Variants in EYS observed in about 807,000 individuals in gnomAD.
EYS encodes the protein EGF-like photoreceptor maintenance factor.
Under a neutral mutation model 282.1 loss-of-function variants are expected in EYS, and 250 were observed. That is an observed-to-expected ratio of 0.89 (90% CI 0.80 to 0.98). The LOEUF (loss-of-function observed/expected upper bound fraction) is 0.98, where lower values mean the gene tolerates loss of function less well. EYS is among the 50% of genes least tolerant of loss of function. The pLI, the probability that EYS is intolerant of heterozygous loss-of-function variation, is 0.00. For synonymous variants in EYS, 1,355 were observed against 1,282.9 expected (o/e 1.06, Z -1.20); for missense variants, 4,016 against 3,709.0 (o/e 1.08, Z -2.15).
chr6:65,107,019 C>T (rs1239537040), intron 12 of EYS, among the ~76,000 whole-genome samples: 1 of 151,932 alleles, frequency 6.6e-6, no homozygotes, highest in East Asian at 1.9e-4. Context: ...TCCCAGCCAG[C>T]ATCAACATAG....
intron 8 of EYS, among the ~76,000 whole-genome samples, chr6:65,377,635 A>G (rs1394641269): frequency 1.3e-5 from 2 of 152,106 alleles, no homozygotes; most frequent in African/African-American, 4.8e-5. Flanking sequence ...TAGCCAGTCT[A>G]AAAAAGGAGA....
intron 29 of EYS, among the ~76,000 whole-genome samples, chr6:64,346,793 G>T (rs531734687): frequency 4.0e-4 from 61 of 151,488 alleles, no homozygotes; most frequent in African/African-American, 1.4e-3. Context: ...GGAGACTTCC[G>T]TTGATTGTAA....
In EYS at chr6:65,370,546, G is replaced by A. The variant is rs1436239574; in HGVS notation, c.1299+13840C>T. Among the ~76,000 whole-genome samples, 148 of 151,604 alleles carry A rather than the reference G, an allele frequency of 9.8e-4. 1 individual carries two copies. Among genetic ancestry groups the A allele is most frequent in the Non-Finnish European group, 4.4e-5 (3 of 67,904 alleles). ...TTTGGATTACAGGCCTGGCTGTAAC[G>A]CTTCTTTCTTTGACCGACTTTTATA... On this transcript the variant is annotated intron_variant, in intron 8 of 42. Coordinates refer to ENST00000503581, the MANE Select transcript of EYS (RefSeq NM_001142800.2).
chr6:65,174,617 G>C (rs945116234), intron 12 of EYS, among the ~76,000 whole-genome samples: 1 of 151,100 alleles, frequency 6.6e-6, no homozygotes. Flanking sequence ...AAGATAATTC[G>C]ATCTTCTAAA....
At chr6:64,212,437 T>G (rs1007610341) in intron 31 of EYS, among the ~76,000 whole-genome samples, 2 of 152,056 alleles carry the variant, frequency 1.3e-5, no homozygotes, top group Non-Finnish European at 2.9e-5. Flanking sequence ...TAAATCTGAT[T>G]ATATATAAAA....
intron 13 of EYS, among the ~76,000 whole-genome samples, chr6:65,013,269 T>C (rs1771936978): frequency 6.6e-6 from 1 of 152,138 alleles, no homozygotes; most frequent in South Asian, 2.1e-4. Context: ...TATGAGAAAA[T>C]ACTCATGATA....
At chr6:65,637,884 C>A (rs1259990220) in intron 2 of EYS, among the ~76,000 whole-genome samples, 3 of 152,156 alleles carry the variant, frequency 2.0e-5, no homozygotes, top group East Asian at 3.9e-4. Context: ...ACAGCCTGGG[C>A]ACTGTGGACA....
At chr6:65,220,334 C>G (rs533294915) in intron 12 of EYS, among the ~76,000 whole-genome samples, 3 of 152,136 alleles carry the variant, frequency 2.0e-5, no homozygotes, top group Admixed American at 1.3e-4. Flanking sequence ...GTGAGGGTAA[C>G]ACTGTGATGA....
chr6:65,649,983 A>C (rs539341740), intron 1 of EYS, among the ~76,000 whole-genome samples: 1 of 152,358 alleles, frequency 6.6e-6, no homozygotes, highest in Non-Finnish European at 1.5e-5. Flanking sequence ...GAATGATTTA[A>C]AACTAGCATT....
chr6:65,611,709 C>G (rs1762341469), intron 2 of EYS, among the ~76,000 whole-genome samples: 1 of 152,042 alleles, frequency 6.6e-6, no homozygotes, highest in South Asian at 2.1e-4. Context: ...CTTTACAGTA[C>G]AGTTCTCTGA....
intron 30 of EYS, among the ~76,000 whole-genome samples, chr6:64,304,001 A>G (rs1341701635): frequency 6.6e-6 from 1 of 152,180 alleles, no homozygotes; most frequent in African/African-American, 2.4e-5. Context: ...ACTTTTGATC[A>G]TCGTGGGTGA....
intron 31 of EYS, among the ~76,000 whole-genome samples, chr6:64,197,944 C>A (rs935057046): frequency 1.3e-5 from 2 of 151,102 alleles, no homozygotes; most frequent in Admixed American, 1.3e-4. Context: ...ATTCAATTAT[C>A]CTCCATTATT....
chr6:64,792,453 T>C (rs904194523), intron 22 of EYS, among the ~76,000 whole-genome samples: 1 of 151,976 alleles, frequency 6.6e-6, no homozygotes, highest in Non-Finnish European at 1.5e-5. Flanking sequence ...ATTTAAAAAA[T>C]AGTACCAAAA....
chr6:64,770,032 TA>T (rs1403675828), intron 22 of EYS, among the ~76,000 whole-genome samples: 1 of 152,052 alleles, frequency 6.6e-6, no homozygotes, highest in Non-Finnish European at 1.5e-5. Context: ...TCTATCCTTA[TA>T]TTCCTTTACA....
At chr6:64,312,032 C>T (rs1245789751) in intron 29 of EYS, among the ~76,000 whole-genome samples, 1 of 147,556 alleles carries the variant, frequency 6.8e-6, no homozygotes, top group Non-Finnish European at 1.5e-5. Context: ...GAGAAGGAAG[C>T]ATTCACTCCC....
intron 35 of EYS, among the ~76,000 whole-genome samples, chr6:63,892,011 A>G (rs1773421161): frequency 6.6e-6 from 1 of 152,164 alleles, no homozygotes; most frequent in Admixed American, 6.5e-5. Flanking sequence ...TCCTATCAAT[A>G]CAACTTACAA....
At chr6:64,304,322 A>T (rs994734832) in intron 30 of EYS, among the ~76,000 whole-genome samples, 17 of 152,228 alleles carry the variant, frequency 1.1e-4, no homozygotes, top group African/African-American at 4.1e-4. Flanking sequence ...AGGGAGAAAT[A>T]GACAATTGTA....
chr6:65,339,071 A>T (rs772003713), intron 10 of EYS, among the ~76,000 whole-genome samples: 75 of 151,370 alleles, frequency 5.0e-4, no homozygotes, highest in Non-Finnish European at 8.4e-4. Flanking sequence ...TATGCCCTTT[A>T]TCTTGCCATT....
chr6:64,574,531 A>G (rs1329824222), intron 26 of EYS, among the ~76,000 whole-genome samples: 1 of 152,176 alleles, frequency 6.6e-6, no homozygotes, highest in Non-Finnish European at 1.5e-5. Context: ...TGAATCATAG[A>G]GTCTCAGGGT....
Sources: gnomAD v4.1 joint callset for allele counts (sites outside exome capture counted in the v4.1 genomes callset) on GRCh38, gnomAD v4.1.1 for gene constraint, MANE v1.5 for transcripts, NCBI Gene and HGNC (gene_info 2026-07-23, HGNC 2026-07-21) for gene names.